Variants in KLF15 observed in about 807,000 individuals in gnomAD.
KLF15 encodes Krueppel-like factor 15.
In KLF15, 4 loss-of-function variants were observed where a neutral mutation model predicts 24.6. That is an observed-to-expected ratio of 0.16 (90% confidence interval 0.08 to 0.37). The LOEUF (loss-of-function observed/expected upper bound fraction) is 0.37. KLF15 is among the 10% of genes least tolerant of loss of function. The probability of loss-of-function intolerance (pLI) is 1.00; values close to 1 mark genes in which losing one functional copy is unlikely to be tolerated. For synonymous variants in KLF15, 246 were observed against 236.3 expected, an observed-to-expected ratio of 1.04 and a Z score of -0.37; for missense variants, 496 against 560.6, an observed-to-expected ratio of 0.88 and a Z score of 1.16.
At chr3:126,350,862 C>G (rs2082576832) in intron 2 of KLF15, among the ~76,000 whole-genome samples, 1 of 152,138 alleles carries the variant, frequency 6.6e-6, no homozygotes, top group South Asian at 2.1e-4. Context: ...TGTGCCCCGT[C>G]TCACACACGT....
At chr3:126,331,130 T>C in the KLF15 span, among the ~76,000 whole-genome samples, 1 of 152,052 alleles carries the variant, frequency 6.6e-6, no homozygotes, top group South Asian at 2.1e-4. Context: ...CACACTCAAC[T>C]CCCTGGTCAC....
chr3:126,304,805 C>T, the KLF15 span, among the ~76,000 whole-genome samples: 64,278 of 152,096 alleles, frequency 0.42, 13,856 homozygotes, highest in African/African-American at 0.46. Flanking sequence ...TGAAATTCAC[C>T]GAGTATGAGC....
At chr3:126,323,587 T>C in the KLF15 span, among the ~76,000 whole-genome samples, 1 of 147,228 alleles carries the variant, frequency 6.8e-6, no homozygotes, top group East Asian at 2.0e-4. Context: ...GCAGGTTTGT[T>C]GCATAGCTAT....
the KLF15 span, among the ~76,000 whole-genome samples, chr3:126,299,136 T>C: frequency 3.3e-5 from 5 of 152,214 alleles, no homozygotes; most frequent in African/African-American, 1.2e-4. Context: ...TCATCTATGA[T>C]TTCTTTCATC....
chr3:126,308,973 G>A, the KLF15 span, among the ~76,000 whole-genome samples: 1 of 152,130 alleles, frequency 6.6e-6, no homozygotes, highest in African/African-American at 2.4e-5. Context: ...GGTGGCAGCT[G>A]GGGCATGTGG....
the KLF15 span, among the ~76,000 whole-genome samples, chr3:126,298,477 T>A: frequency 6.6e-6 from 1 of 151,800 alleles, no homozygotes; most frequent in Non-Finnish European, 1.5e-5. Flanking sequence ...AGCTCCATTA[T>A]ATCTCATTTA....
At position 126,352,959 on chromosome 3, in the gene KLF15, G is replaced by A. The variant is rs747919008; in HGVS notation, c.-25-12C>T. On this transcript the variant is annotated splice_polypyrimidine_tract_variant and intron_variant, in intron 1 of 2. Transcript: ENST00000296233. ...CGTGCCGGTGGCGGCTGCAGGAAAG[G>A]AACACAGGAGGCCTGGTCAGAAGGA... 1.9e-6 allele frequency: 3 copies of A among 1,566,152 alleles called. No individual in the cohort carries two copies. Among genetic ancestry groups the A allele is most frequent in the Non-Finnish European group, 2.6e-6 (3 of 1,154,826 alleles).
At chr3:126,345,486 C>T (rs376258215) in intron 2 of KLF15, among the ~76,000 whole-genome samples, 3 of 152,170 alleles carry the variant, frequency 2.0e-5, no homozygotes, top group Admixed American at 6.5e-5. Context: ...CACACACACA[C>T]GGACAAATAC....
chr3:126,324,922 T>C, the KLF15 span, among the ~76,000 whole-genome samples: 1 of 109,278 alleles, frequency 9.2e-6, no homozygotes, highest in East Asian at 2.7e-4. Flanking sequence ...ATGTGTCATC[T>C]AGCATTAGGT....
At chr3:126,313,163 C>T in the KLF15 span, among the ~76,000 whole-genome samples, 4 of 152,102 alleles carry the variant, frequency 2.6e-5, no homozygotes, top group Admixed American at 2.6e-4. Flanking sequence ...TTGGGACACA[C>T]AAAGAGACCC....
At position 126,352,580 on chromosome 3, in the gene KLF15, C is replaced by G; in HGVS notation, c.343G>C (p.Val115Leu). Residue 115 changes from valine (V) to leucine (L), a missense_variant, in exon 2 of 3, where the codon GTG (valine) becomes CTG (leucine). Val to Leu is a conservative substitution (Grantham distance 32). This residue lies in a region of KLF15 where 399 missense variants were observed against 423.1 expected (regional missense o/e 0.94). Transcript: ENST00000296233. ...GGCAAGCAGAAATGCTCCCCCTTCA[C>G]AGGGGCCGCTGCCCTTCGCCAGGGC... is the stretch of plus-strand genomic sequence containing the variant. ...WGPWRRAAAPVKGEHFCLPEF... is the reference protein window; with the variant it reads ...WGPWRRAAAPLKGEHFCLPEF... 1 of 1,612,594 alleles carries G rather than the reference C, an allele frequency of 6.2e-7. No homozygotes were observed. The highest frequency in any genetic ancestry group is 8.5e-7 in the Non-Finnish European group (1 of 1,179,914).
the KLF15 span, among the ~76,000 whole-genome samples, chr3:126,299,260 G>A: frequency 6.8e-6 from 1 of 147,230 alleles, no homozygotes; most frequent in Non-Finnish European, 1.5e-5. Flanking sequence ...TTATTTTGCA[G>A]CTGTTGTAAA....
At chr3:126,303,215 T>A in the KLF15 span, among the ~76,000 whole-genome samples, 5 of 152,060 alleles carry the variant, frequency 3.3e-5, no homozygotes, top group East Asian at 9.6e-4. Flanking sequence ...AGTATTAACA[T>A]TTCCCACATA....
chr3:126,350,088 T>C (rs2082570897), intron 2 of KLF15, among the ~76,000 whole-genome samples: 1 of 152,186 alleles, frequency 6.6e-6, no homozygotes, highest in South Asian at 2.1e-4. Context: ...ACATGACAAG[T>C]TAGTGGCTGA....
chr3:126,327,741 G>A, the KLF15 span, among the ~76,000 whole-genome samples: 5 of 152,156 alleles, frequency 3.3e-5, no homozygotes, highest in East Asian at 1.9e-4. Flanking sequence ...AATTTTATGC[G>A]AGTTTGACCA....
chr3:126,300,256 C>T, the KLF15 span, among the ~76,000 whole-genome samples: 1 of 152,176 alleles, frequency 6.6e-6, no homozygotes, highest in Non-Finnish European at 1.5e-5. Context: ...GACCCCTGAG[C>T]GGCTTCCTTT....
chr3:126,329,684 G>C, the KLF15 span, among the ~76,000 whole-genome samples: 1 of 147,270 alleles, frequency 6.8e-6, no homozygotes, highest in Non-Finnish European at 1.5e-5. Context: ...CTTTGGATTT[G>C]TACTGGAATT....
chr3:126,353,149 A>C (rs1404991120), intron 1 of KLF15, among the ~76,000 whole-genome samples: 2 of 152,248 alleles, frequency 1.3e-5, no homozygotes, highest in Non-Finnish European at 2.9e-5. Context: ...AGACCTCTCC[A>C]AGCCCATTGC....
At chr3:126,323,706 A>G in the KLF15 span, among the ~76,000 whole-genome samples, 10 of 62,284 alleles carry the variant, frequency 1.6e-4, no homozygotes, top group African/African-American at 6.5e-4. Flanking sequence ...CCCTGTGTCC[A>G]TGTGTTCTCA....
Sources: allele counts gnomAD v4.1 joint callset (sites outside exome capture counted in the v4.1 genomes callset), GRCh38; gene constraint gnomAD v4.1.1; regional missense constraint gnomAD v4.1.1; transcripts MANE v1.5; gene names NCBI Gene and HGNC (gene_info 2026-07-23, HGNC 2026-07-21).